Variants in SYNGR4 observed in about 807,000 individuals in gnomAD.
SYNGR4 encodes synaptogyrin 4.
Under a neutral mutation model 15.5 loss-of-function variants are expected in SYNGR4, and 15 were observed. The ratio of observed to expected loss-of-function variants is 0.97; its 90% confidence interval spans 0.65 to 1.49. The LOEUF (loss-of-function observed/expected upper bound fraction) is 1.49, where lower values mean the gene tolerates loss of function less well. SYNGR4 is among the 40% of genes most tolerant of loss of function. SYNGR4 has a pLI of 0.00. For synonymous variants in SYNGR4, 121 were observed against 127.4 expected (o/e 0.95, Z 0.34); for missense variants, 292 against 299.3 (o/e 0.98, Z 0.18).
At chr19:48,365,385 C>T (rs1430877667) in intron 1 of SYNGR4, among the ~76,000 whole-genome samples, 3 of 87,204 alleles carry the variant, frequency 3.4e-5, no homozygotes, top group Non-Finnish European at 7.9e-5. Flanking sequence ...ATGCCTCCCA[C>T]TTCTGGGACC....
In SYNGR4 at chr19:48,365,896, T is replaced by A. The variant is rs1401319988; in HGVS notation, c.54T>A (p.Phe18Leu). 6.2e-7 allele frequency: 1 copy of A among 1,613,944 alleles called. No homozygotes were observed. Among genetic ancestry groups the A allele is most frequent in the South Asian group, 1.1e-5 (1 of 91,086 alleles). Reference protein sequence around the residue: ...QELANSEAVQFLRRPKTITRV... With the variant: ...QELANSEAVQLLRRPKTITRV... The stretch of plus-strand genomic sequence containing the variant: ...TGGCCAACAGCGAAGCCGTGCAGTT[T>A]CTGAGAAGGCCCAAGACCATCACGC... Residue 18 changes from phenylalanine to leucine, a missense_variant, in exon 2 of 5, where the codon TTT becomes TTA. Phe to Leu is a conservative substitution (Grantham distance 22, BLOSUM62 0). Coordinates refer to ENST00000344846, the MANE Select transcript of SYNGR4 (RefSeq NM_012451.4).
intron 2 of SYNGR4, among the ~76,000 whole-genome samples, chr19:48,369,285 T>A (rs1406049372): frequency 7.7e-6 from 1 of 130,626 alleles, no homozygotes; most frequent in Non-Finnish European, 1.6e-5. Flanking sequence ...GGAAGGAGTT[T>A]GGACTGAAGC....
At chr19:48,366,913 G>A (rs1970232105) in intron 2 of SYNGR4, among the ~76,000 whole-genome samples, 1 of 152,042 alleles carries the variant, frequency 6.6e-6, no homozygotes, top group Non-Finnish European at 1.5e-5. Flanking sequence ...CAGCACCTTG[G>A]TAGGCCAAGG....
intron 2 of SYNGR4, among the ~76,000 whole-genome samples, chr19:48,369,773 G>A (rs1012953521): frequency 6.6e-6 from 1 of 152,136 alleles, no homozygotes. Context: ...AATGAATATG[G>A]GCTCAAAAAT....
At chr19:48,373,789 C>CTCCTCCCGCTCACAGCCCT (rs1970353565) in intron 3 of SYNGR4, 35 bp downstream of exon 3, 3 of 1,601,814 alleles carry the variant, frequency 1.9e-6, no homozygotes, top group Non-Finnish European at 8.5e-7. Flanking sequence ...AGAGCTGCCC[C>CTCCTCCCGCTCACAGCCCT]TCCTCCCGCT....
At chr19:48,367,625 G>T (rs1411534359) in intron 2 of SYNGR4, among the ~76,000 whole-genome samples, 2 of 152,138 alleles carry the variant, frequency 1.3e-5, no homozygotes, top group Non-Finnish European at 2.9e-5. Context: ...AGGGGCTGGG[G>T]CTTCTAGGAA....
chr19:48,364,808 C>T (rs947646286), intron 1 of SYNGR4, among the ~76,000 whole-genome samples: 2 of 152,078 alleles, frequency 1.3e-5, no homozygotes, highest in African/African-American at 4.8e-5. Flanking sequence ...GGCCGCACCC[C>T]CTAGTCCCCA....
At chr19:48,374,994 AAAAG>A (rs1970378945) in intron 3 of SYNGR4, among the ~76,000 whole-genome samples, 1 of 151,644 alleles carries the variant, frequency 6.6e-6, no homozygotes, top group Non-Finnish European at 1.5e-5. Flanking sequence ...CAACAACAAA[AAAAG>A]AAATGTGGCC....
At position 48,365,926 on chromosome 19, in the gene SYNGR4, C is replaced by T; in HGVS notation, c.84C>T (p.Val28=). ...FLRRPKTITR[V]FEGVFSLIVF... is the part of the protein sequence containing the mutation. Reference sequence around the variant, plus strand: ...GAAGGCCCAAGACCATCACGCGGGTCTTCGAAGGGGTGAGGCCCTCCCATG... The same window carrying T: ...GAAGGCCCAAGACCATCACGCGGGTTTTCGAAGGGGTGAGGCCCTCCCATG... Residue 28 remains valine, a synonymous_variant, in exon 2 of 5, where the codon GTC becomes GTT. Coordinates refer to ENST00000344846, the MANE Select transcript of SYNGR4 (RefSeq NM_012451.4). The T allele has an allele frequency of 6.2e-7, 1 of 1,613,590 alleles. No individual in the cohort carries two copies. Among genetic ancestry groups the T allele is most frequent in the Non-Finnish European group, 8.5e-7 (1 of 1,179,946 alleles).
chr19:48,369,899 C>T (rs1727182952), intron 2 of SYNGR4, among the ~76,000 whole-genome samples: 1 of 152,194 alleles, frequency 6.6e-6, no homozygotes, highest in Admixed American at 6.5e-5. Context: ...CTTACAGCCT[C>T]CCTCCAAGGG....
At chr19:48,367,086 G>A (rs1189531786) in intron 2 of SYNGR4, among the ~76,000 whole-genome samples, 3 of 151,562 alleles carry the variant, frequency 2.0e-5, no homozygotes, top group African/African-American at 4.9e-5. Flanking sequence ...CCCATGTGGC[G>A]GAGGTTGCAC....
At position 48,365,870 on chromosome 19, in the gene SYNGR4, C is replaced by A. The variant is rs1970209633; in HGVS notation, c.28C>A (p.Leu10Met). The A allele has an allele frequency of 1.9e-6, 3 of 1,613,830 alleles. No homozygotes were observed. The highest frequency in any genetic ancestry group is 1.6e-4 in the Middle Eastern group (1 of 6,084). Residue 10 changes from leucine (L) to methionine (M), a missense_variant, in exon 2 of 5, where the codon CTG becomes ATG. By Grantham distance (15) the Leu-to-Met change is conservative. Coordinates refer to ENST00000344846, the MANE Select transcript of SYNGR4 (RefSeq NM_012451.4). The stretch of plus-strand genomic sequence containing the variant: ...GCACATCCCCAAAAGCCTCCAGGAG[C>A]TGGCCAACAGCGAAGCCGTGCAGTT... MHIPKSLQE[L>M]ANSEAVQFLR...
At chr19:48,365,412 C>G (rs865791979) in intron 1 of SYNGR4, among the ~76,000 whole-genome samples, 5 of 84,540 alleles carry the variant, frequency 5.9e-5, no homozygotes, top group South Asian at 1.0e-3. Flanking sequence ...AGCCCCCTCA[C>G]CACACAACCC....
intron 2 of SYNGR4, among the ~76,000 whole-genome samples, chr19:48,368,987 C>T (rs1244379192): frequency 6.6e-6 from 1 of 152,178 alleles, no homozygotes; most frequent in African/African-American, 2.4e-5. Flanking sequence ...TGGAAAGCCT[C>T]GGAAGGCAGG....
intron 2 of SYNGR4, among the ~76,000 whole-genome samples, chr19:48,371,779 G>T (rs961485792): frequency 4.0e-5 from 6 of 151,714 alleles, no homozygotes; most frequent in Non-Finnish European, 8.8e-5. Flanking sequence ...TAGATACTAG[G>T]TATCACTCTG....
intron 2 of SYNGR4, among the ~76,000 whole-genome samples, chr19:48,367,606 G>C (rs1970242169): frequency 6.6e-6 from 1 of 152,094 alleles, no homozygotes; most frequent in Admixed American, 6.6e-5. Flanking sequence ...GGAGGAGAAG[G>C]AGAGGAACAG....
chr19:48,366,367 G>A (rs577476564), intron 2 of SYNGR4, among the ~76,000 whole-genome samples: 1 of 148,414 alleles, frequency 6.7e-6, no homozygotes, highest in South Asian at 2.1e-4. Context: ...TCCAGCCCAG[G>A]CAACAGAGCC....
At position 48,376,273 on chromosome 19, in the gene SYNGR4, G is replaced by A; in HGVS notation, c.660G>A (p.Leu220=). Residue 220 remains leucine (L), a synonymous_variant, in exon 5 of 5, where the codon CTG becomes CTA. Coordinates refer to ENST00000344846, the MANE Select transcript of SYNGR4 (RefSeq NM_012451.4). ...CTAGCTCTGCCCTGTCCCCCTGTCT[G>A]ACCGCTCCAAAGTCCCCCCGGCTTG... is the stretch of plus-strand genomic sequence containing the variant. The part of the protein sequence containing the change: ...SYASSALSPC[L]TAPKSPRLAM... 1.9e-6 allele frequency: 3 copies of A among 1,613,256 alleles called. No homozygotes were observed. The highest frequency in any genetic ancestry group is 2.2e-5 in the South Asian group (2 of 91,008).
chr19:48,376,359 A>G lies in SYNGR4; in HGVS notation c.*41A>G. ...TCAATAAAGAGAGAATCCTCCCTCC[A>G]GAAGGGTTTCTAAAAACAGCCCTCA... is the stretch of plus-strand genomic sequence containing the variant. On this transcript the variant is annotated 3_prime_UTR_variant, in exon 5 of 5. Coordinates refer to ENST00000344846, the MANE Select transcript of SYNGR4 (RefSeq NM_012451.4). The G allele has an allele frequency of 6.3e-7, 1 of 1,595,614 alleles. No individual in the cohort carries two copies. The highest frequency in any genetic ancestry group is 8.5e-7 in the Non-Finnish European group (1 of 1,172,434).
Sources: allele counts gnomAD v4.1 joint callset (sites outside exome capture counted in the v4.1 genomes callset), GRCh38; gene constraint gnomAD v4.1.1; transcripts MANE v1.5; gene names NCBI Gene and HGNC (gene_info 2026-07-23, HGNC 2026-07-21).